Variants in PLPPR1 observed in about 807,000 individuals in gnomAD.
PLPPR1 encodes phospholipid phosphatase related 1.
PLPPR1 carries 10 observed loss-of-function variants against 33.1 expected under a neutral mutation model. The ratio of observed to expected loss-of-function variants is 0.30; its 90% confidence interval spans 0.19 to 0.51. The LOEUF is 0.51. Ranked by LOEUF, PLPPR1 falls within the 20% of genes least tolerant of loss-of-function variation. The pLI is 0.97. For synonymous variants in PLPPR1, 151 were observed against 151.0 expected, an observed-to-expected ratio of 1.00 and a Z score of 0.00; for missense variants, 304 against 408.1, an observed-to-expected ratio of 0.74 and a Z score of 2.20.
chr9:101,137,756 C>T (rs1257988164), intron 1 of PLPPR1, among the ~76,000 whole-genome samples: 1 of 152,126 alleles, frequency 6.6e-6, no homozygotes, highest in Non-Finnish European at 1.5e-5. Flanking sequence ...AAATAGTTTG[C>T]CTCTGAAATA....
At chr9:101,218,484 A>G (rs1046285093) in intron 2 of PLPPR1, among the ~76,000 whole-genome samples, 14 of 152,158 alleles carry the variant, frequency 9.2e-5, no homozygotes, top group African/African-American at 3.4e-4. Context: ...TACTTGACCT[A>G]TGACTCAGTT....
At chr9:101,084,282 G>A (rs1247397695) in intron 1 of PLPPR1, among the ~76,000 whole-genome samples, 1 of 152,190 alleles carries the variant, frequency 6.6e-6, no homozygotes, top group Non-Finnish European at 1.5e-5. Flanking sequence ...AAGGTACATG[G>A]TGAAAATTCC....
At chr9:101,211,180 T>G (rs1485571157) in intron 2 of PLPPR1, among the ~76,000 whole-genome samples, 1 of 152,096 alleles carries the variant, frequency 6.6e-6, no homozygotes, top group African/African-American at 2.4e-5. Context: ...CAGTCAGAAA[T>G]AAGATTCATT....
At chr9:101,207,431 G>T (rs1016183206) in intron 2 of PLPPR1, among the ~76,000 whole-genome samples, 1 of 152,080 alleles carries the variant, frequency 6.6e-6, no homozygotes, top group Non-Finnish European at 1.5e-5. Context: ...TTCAAAGCCC[G>T]AATGGGGATT....
At chr9:101,036,790 T>C (rs573144989) in intron 1 of PLPPR1, among the ~76,000 whole-genome samples, 38 of 152,060 alleles carry the variant, frequency 2.5e-4, no homozygotes, top group African/African-American at 9.2e-4. Flanking sequence ...GAAAGACATT[T>C]TCAGTAGGCC....
intron 4 of PLPPR1, among the ~76,000 whole-genome samples, chr9:101,299,621 C>A (rs1399126321): frequency 6.6e-6 from 1 of 152,102 alleles, no homozygotes; most frequent in African/African-American, 2.4e-5. Flanking sequence ...ACTAGTGATT[C>A]TTTTCTGTGG....
At chr9:101,268,039 G>A (rs993498258) in intron 2 of PLPPR1, among the ~76,000 whole-genome samples, 1 of 151,994 alleles carries the variant, frequency 6.6e-6, no homozygotes, top group African/African-American at 2.4e-5. Flanking sequence ...TCACTCATAG[G>A]TGAGAATTGA....
intron 3 of PLPPR1, among the ~76,000 whole-genome samples, chr9:101,282,155 A>G (rs1828315394): frequency 6.6e-6 from 1 of 152,166 alleles, no homozygotes; most frequent in East Asian, 1.9e-4. Flanking sequence ...CATAGATACA[A>G]AGATGCTCAA....
chr9:101,164,889 A>G lies in PLPPR1; in HGVS notation c.-45-20561A>G, dbSNP rs185431936. Reference sequence around the variant, plus strand: ...TTTTCTTTCCAACATGAATATTATGATTGACTATGCATTAATCAGAGTCTT... The same window carrying G: ...TTTTCTTTCCAACATGAATATTATGGTTGACTATGCATTAATCAGAGTCTT... On this transcript the variant is annotated intron_variant, in intron 1 of 7. Transcript: ENST00000374874. Among the ~76,000 whole-genome samples, 92 of 152,226 alleles carry G rather than the reference A, an allele frequency of 6.0e-4. 3 individuals carry two copies. The East Asian group carries it at 0.013, about 21-fold the overall frequency.
In PLPPR1 at chr9:101,037,418, T is replaced by G. The variant is rs532976594; in HGVS notation, c.-46+8316T>G. Among the ~76,000 whole-genome samples the G allele has an allele frequency of 7.2e-5, 11 of 152,208 alleles. No homozygotes were observed. The South Asian group carries it at 2.3e-3, about 32-fold the overall frequency. Reference sequence around the variant, plus strand: ...AAATCTGTCACAATGAAGGGTAATGTGTTTGCATGGCTCTCTGTCGAGGGG... The same window carrying G: ...AAATCTGTCACAATGAAGGGTAATGGGTTTGCATGGCTCTCTGTCGAGGGG... On this transcript the variant is annotated intron_variant, in intron 1 of 7. Transcript: ENST00000374874.
intron 1 of PLPPR1, among the ~76,000 whole-genome samples, chr9:101,173,906 C>A (rs1026771976): frequency 2.6e-5 from 4 of 152,272 alleles, no homozygotes; most frequent in African/African-American, 7.2e-5. Context: ...GAGCCCCTCA[C>A]AACAAAGATC....
intron 1 of PLPPR1, among the ~76,000 whole-genome samples, chr9:101,171,683 A>G (rs927117393): frequency 6.6e-6 from 1 of 152,114 alleles, no homozygotes; most frequent in Non-Finnish European, 1.5e-5. Context: ...GGTGAAATCT[A>G]TTTTGCACTC....
At chr9:101,277,551 T>A (rs1828219501) in intron 3 of PLPPR1, among the ~76,000 whole-genome samples, 1 of 152,226 alleles carries the variant, frequency 6.6e-6, no homozygotes, top group Admixed American at 6.5e-5. Context: ...CCCAGTTACA[T>A]GATTTCAGTT....
chr9:101,238,162 CAT>C (rs1309908533), intron 2 of PLPPR1, among the ~76,000 whole-genome samples: 2 of 136,240 alleles, frequency 1.5e-5, no homozygotes, highest in African/African-American at 2.7e-5. Flanking sequence ...CATATACACA[CAT>C]ATATATACCC....
At chr9:101,128,676 G>A (rs1340137439) in intron 1 of PLPPR1, among the ~76,000 whole-genome samples, 1 of 152,138 alleles carries the variant, frequency 6.6e-6, no homozygotes, top group Non-Finnish European at 1.5e-5. Flanking sequence ...CAATTTCTCT[G>A]CCTAAATCCA....
At chr9:101,257,211 ATCTC>A (rs888609744) in intron 2 of PLPPR1, among the ~76,000 whole-genome samples, 1 of 151,714 alleles carries the variant, frequency 6.6e-6, no homozygotes, top group Admixed American at 6.6e-5. Flanking sequence ...CCAGATACTT[ATCTC>A]TCTGTCTCAT....
rs78257317 is a variant in PLPPR1, at chr9:101,030,065, C to T, written c.-46+963C>T. ...CTGCTATCTAGTTGGTGGACAGGCA[C>T]GGTTCTGAATATCTCTTCGGCCCGA... is the stretch of plus-strand genomic sequence containing the variant. On this transcript the variant is annotated intron_variant, in intron 1 of 7. Transcript: ENST00000374874. Among the ~76,000 whole-genome samples the T allele has an allele frequency of 7.7e-3, 1,168 of 151,986 alleles. 11 individuals are homozygous for T. Among genetic ancestry groups the T allele is most frequent in the African/African-American group, 0.027 (1,130 of 41,400 alleles).
At chr9:101,291,588 C>T (rs1828509784) in intron 4 of PLPPR1, among the ~76,000 whole-genome samples, 1 of 152,194 alleles carries the variant, frequency 6.6e-6, no homozygotes, top group Non-Finnish European at 1.5e-5. Context: ...TCCTCTGAGA[C>T]AAAACTTCCA....
At chr9:101,164,590 A>C (rs1411684252) in intron 1 of PLPPR1, among the ~76,000 whole-genome samples, 1 of 150,940 alleles carries the variant, frequency 6.6e-6, no homozygotes, top group Non-Finnish European at 1.5e-5. Flanking sequence ...CTGGTCTCGA[A>C]CTCCTGGCCT....
Sources: gnomAD v4.1 joint callset for allele counts (sites outside exome capture counted in the v4.1 genomes callset) on GRCh38, gnomAD v4.1.1 for gene constraint, MANE v1.5 for transcripts, NCBI Gene and HGNC (gene_info 2026-07-23, HGNC 2026-07-21) for gene names.